Variants in LAMA3 observed in about 807,000 individuals in gnomAD.
The protein encoded by LAMA3 is laminin subunit alpha-3.
A neutral mutation model predicts 402.0 loss-of-function variants in LAMA3; 281 were observed. That is an observed-to-expected ratio of 0.70 (90% CI 0.63 to 0.77). The LOEUF is 0.77. Ranked by LOEUF, LAMA3 falls within the 30% of genes least tolerant of loss-of-function variation. LAMA3 has a pLI of 0.00. For synonymous variants in LAMA3, 1,431 were observed against 1,558.4 expected (o/e 0.92, Z 1.93); for missense variants, 3,840 against 4,215.5 (o/e 0.91, Z 2.47).
rs769496838 is a variant in LAMA3, at chr18:23,931,129, C to T, written c.8504C>T (p.Pro2835Leu). The T allele has an allele frequency of 1.2e-6, 2 of 1,613,386 alleles. No homozygotes were observed. Among genetic ancestry groups the T allele is most frequent in the South Asian group, 1.1e-5 (1 of 91,064 alleles). ...IELSTSDSGG[P>L]IFKSPQTYMD... is the part of the protein sequence containing the mutation. ...TTGAGCACCAGCGATAGCGGCGGCC[C>T]AATTTTTAAATCTCCACAGACGTAT... The change falls in exon 65 of 75, where the codon CCA (proline) becomes CTA (leucine). Residue 2835 changes from proline to leucine, a missense_variant. Around this residue, in one of 3 missense-constraint regions of LAMA3, gnomAD observed 840 missense variants for 981.9 expected, o/e 0.86. Coordinates refer to ENST00000313654, the MANE Select transcript of LAMA3 (RefSeq NM_198129.4).
chr18:23,773,732 C>T, intron 9 of LAMA3, 145 bp downstream of exon 9: 1 of 662,908 alleles, frequency 1.5e-6, no homozygotes, highest in East Asian at 2.7e-5. Context: ...ACCTCAGTCA[C>T]TTACACAGTC....
At chr18:23,784,939 G>T (rs2144019003) in intron 12 of LAMA3, among the ~76,000 whole-genome samples, 1 of 152,324 alleles carries the variant, frequency 6.6e-6, no homozygotes, top group South Asian at 2.1e-4. Context: ...AAAAGAAAGA[G>T]ATTTATTATA....
intron 12 of LAMA3, among the ~76,000 whole-genome samples, chr18:23,803,283 T>C (rs2062899350): frequency 6.6e-6 from 1 of 152,164 alleles, no homozygotes; most frequent in South Asian, 2.1e-4. Context: ...TGGTGCCATA[T>C]TGAGGACTTG....
chr18:23,715,706 G>T (rs2061085734), intron 2 of LAMA3, among the ~76,000 whole-genome samples: 1 of 152,150 alleles, frequency 6.6e-6, no homozygotes, highest in Admixed American at 6.5e-5. Context: ...TTTCATAACT[G>T]AGTTTGTTAT....
At chr18:23,886,859 G>T (rs2065089330) in intron 41 of LAMA3, among the ~76,000 whole-genome samples, 1 of 152,230 alleles carries the variant, frequency 6.6e-6, no homozygotes, top group East Asian at 1.9e-4. Context: ...GAAGATGGAA[G>T]TGGGAGGCAG....
rs879001504 is a variant in LAMA3 at position 23,939,520 on chromosome 18, GT to G, written c.9026+135del. 1.5e-4 allele frequency: 140 copies of G among 954,160 alleles called. 2 individuals are homozygous for G. In the South Asian group the frequency reaches 1.8e-3, roughly 12 times the overall value. The allele number at this position is 954,160 out of a possible 1,614,324, so 59.1% of individuals were successfully genotyped here. The stretch of plus-strand genomic sequence containing the variant: ...GGCACTACCATTTTTGTGCAAAGAG[GT>G]GCTGGCCTGCACAGGACAGGGAGCG... On this transcript the variant is annotated intron_variant, in intron 68 of 74. Coordinates refer to ENST00000313654, the MANE Select transcript of LAMA3 (RefSeq NM_198129.4).
intron 12 of LAMA3, among the ~76,000 whole-genome samples, chr18:23,795,141 C>A (rs1489176535): frequency 6.6e-6 from 1 of 152,192 alleles, no homozygotes; most frequent in Non-Finnish European, 1.5e-5. Context: ...CTAGTCTCCT[C>A]CTCCCTTTTT....
At chr18:23,827,181 A>G (rs546874119) in intron 22 of LAMA3, 133 bp from the exon 23 acceptor site, 266 of 990,386 alleles carry the variant, frequency 2.7e-4, no homozygotes, top group Non-Finnish European at 3.7e-4. Flanking sequence ...CAGACACTTA[A>G]TAAGAGTTTA....
In LAMA3 at chr18:23,836,015, T is replaced by G. The variant is rs111308817; in HGVS notation, c.2985-966T>G. 1.2e-3 allele frequency among the ~76,000 whole-genome samples: 189 copies of G among 152,004 alleles called. 1 individual carries two copies. The highest frequency in any genetic ancestry group is 4.2e-3 in the African/African-American group (173 of 41,426). ...TGTTAGGCTATTTCTTAGGAGGAATTTAATATAGGATAAGGATAAAACTAA... is the reference window on the plus strand; with the variant it reads ...TGTTAGGCTATTTCTTAGGAGGAATGTAATATAGGATAAGGATAAAACTAA... On this transcript the variant is annotated intron_variant, in intron 24 of 74. Coordinates refer to ENST00000313654, the MANE Select transcript of LAMA3 (RefSeq NM_198129.4).
At position 23,702,769 on chromosome 18, in the gene LAMA3, C is replaced by T. The variant is rs747053972; in HGVS notation, c.295-11151C>T. On this transcript the variant is annotated intron_variant, in intron 1 of 74. Transcript: ENST00000313654. ...GCAGATTCAGATGCTACACCTCATA[C>T]GGCTAGACAGCTATTCCCCCTCTTC... Among the ~76,000 whole-genome samples the T allele has an allele frequency of 1.6e-4, 25 of 152,182 alleles. 1 individual carries two copies. Among genetic ancestry groups the T allele is most frequent in the Admixed American group, 8.5e-4 (13 of 15,288 alleles).
chr18:23,922,209 G>A (rs1173814247), intron 62 of LAMA3, among the ~76,000 whole-genome samples: 3 of 152,172 alleles, frequency 2.0e-5, no homozygotes, highest in Non-Finnish European at 2.9e-5. Context: ...GTATCCTCCC[G>A]GAAGGCTTTT....
At chr18:23,914,953 A>T in intron 58 of LAMA3, 93 bp downstream of exon 58, 1 of 1,080,846 alleles carries the variant, frequency 9.3e-7, no homozygotes, top group Non-Finnish European at 1.4e-6. Context: ...TTACATATAA[A>T]ATGGATTTAA....
chr18:23,770,945 A>G (rs981010475), intron 8 of LAMA3, among the ~76,000 whole-genome samples: 7 of 152,202 alleles, frequency 4.6e-5, no homozygotes, highest in African/African-American at 1.7e-4. Context: ...ATGTGGAATA[A>G]CCACACCTAT....
At chr18:23,777,103 G>T (rs1186361659) in intron 10 of LAMA3, among the ~76,000 whole-genome samples, 1 of 152,062 alleles carries the variant, frequency 6.6e-6, no homozygotes, top group African/African-American at 2.4e-5. Context: ...GCTTCACAAA[G>T]TGCTGGGATT....
intron 24 of LAMA3, among the ~76,000 whole-genome samples, chr18:23,836,712 A>C (rs1413847592): frequency 6.6e-6 from 1 of 152,152 alleles, no homozygotes; most frequent in Admixed American, 6.5e-5. Context: ...TCTCTCGAGG[A>C]CTAAACCTAG....
At position 23,916,607 on chromosome 18, in the gene LAMA3, C is replaced by T. The variant is rs761318206; in HGVS notation, c.7835C>T (p.Pro2612Leu). 2 of 1,613,916 alleles carry T rather than the reference C, an allele frequency of 1.2e-6. No individual in the cohort carries two copies. The highest frequency in any genetic ancestry group is 2.7e-5 in the African/African-American group (2 of 74,910). ...YFEGTGYARV[P>L]TQPHAPIPTF... ...GAAGGTACGGGCTATGCTCGAGTTC[C>T]AACTCAACCACATGCTCCCATCCCA... Residue 2612 changes from proline (P) to leucine (L), a missense_variant, in exon 60 of 75, where the codon CCA (proline) becomes CTA (leucine). This residue lies in a region of LAMA3 where 840 missense variants were observed against 981.9 expected (regional missense o/e 0.86). Transcript: ENST00000313654.
chr18:23,711,073 T>C (rs544182759), intron 1 of LAMA3, among the ~76,000 whole-genome samples: 2 of 152,328 alleles, frequency 1.3e-5, no homozygotes, highest in Admixed American at 6.5e-5. Context: ...GTTGTTTTTG[T>C]AGATTCTTTG....
chr18:23,886,234 T>C (rs535734448), intron 41 of LAMA3, among the ~76,000 whole-genome samples: 68 of 152,376 alleles, frequency 4.5e-4, no homozygotes, highest in African/African-American at 1.3e-3. Context: ...AGGCTTTTAA[T>C]ACTTTTTGCA....
intron 70 of LAMA3, among the ~76,000 whole-genome samples, chr18:23,947,966 C>T (rs1449550771): frequency 6.6e-6 from 1 of 152,098 alleles, no homozygotes; most frequent in Non-Finnish European, 1.5e-5. Context: ...CGCCTGCCAC[C>T]ATGCCTGGCT....
Sources: gnomAD v4.1 joint callset for allele counts (sites outside exome capture counted in the v4.1 genomes callset) on GRCh38, gnomAD v4.1.1 for gene constraint, gnomAD v4.1.1 regional missense constraint, MANE v1.5 for transcripts, NCBI Gene and HGNC (gene_info 2026-07-23, HGNC 2026-07-21) for gene names.